Variants in JAKMIP2 observed in about 807,000 individuals in gnomAD.
JAKMIP2 encodes the protein janus kinase and microtubule interacting protein 2.
A neutral mutation model predicts 115.0 loss-of-function variants in JAKMIP2; 25 were observed. The ratio of observed to expected loss-of-function variants is 0.22; its 90% CI spans 0.16 to 0.30. The LOEUF (loss-of-function observed/expected upper bound fraction) is 0.30, where lower values mean the gene tolerates loss of function less well. Ranked by LOEUF, JAKMIP2 falls within the 10% of genes least tolerant of loss-of-function variation. The probability of loss-of-function intolerance (pLI) is 1.00; values close to 1 mark genes in which losing one functional copy is unlikely to be tolerated. For synonymous variants in JAKMIP2, 334 were observed against 343.6 expected, an observed-to-expected ratio of 0.97 and a Z score of 0.31; for missense variants, 642 against 957.6, an observed-to-expected ratio of 0.67 and a Z score of 4.35.
intron 1 of JAKMIP2, among the ~76,000 whole-genome samples, chr5:147,706,730 T>C (rs1391072524): frequency 1.3e-5 from 2 of 152,124 alleles, no homozygotes; most frequent in Non-Finnish European, 2.9e-5. Context: ...TTCAGAGCAT[T>C]TTGGATTTCG....
At chr5:147,610,434 A>G (rs1024895730) in intron 20 of JAKMIP2, among the ~76,000 whole-genome samples, 2 of 152,158 alleles carry the variant, frequency 1.3e-5, no homozygotes, top group Non-Finnish European at 2.9e-5. Context: ...TCTAACAGTC[A>G]GGCCCCTCTG....
At chr5:147,738,595 C>T (rs1247890883) in intron 1 of JAKMIP2, among the ~76,000 whole-genome samples, 2 of 152,032 alleles carry the variant, frequency 1.3e-5, no homozygotes, top group African/African-American at 4.8e-5. Flanking sequence ...GATAATAAGA[C>T]TGAAAATACC....
intron 12 of JAKMIP2, among the ~76,000 whole-genome samples, chr5:147,635,161 G>C (rs1005091521): frequency 6.6e-6 from 1 of 150,646 alleles, no homozygotes; most frequent in Non-Finnish European, 1.5e-5. Flanking sequence ...TGGGCAACAA[G>C]AGTAAAACTC....
Position 147,650,480 on chromosome 5 carries a change from C to T in JAKMIP2, c.695G>A (p.Gly232Asp), listed in dbSNP as rs1431117861. The T allele has an allele frequency of 6.2e-7, 1 of 1,613,856 alleles. No individual in the cohort carries two copies. The highest frequency in any genetic ancestry group is 1.1e-5 in the South Asian group (1 of 91,072). Residue 232 changes from glycine to aspartate, a missense_variant, in exon 4 of 22, where the codon GGC becomes GAC. By Grantham distance (94) the Gly-to-Asp change is moderately conservative. Transcript: ENST00000616793. ...SLEKELETQT[G>D]YVQKLQLQKE... ...CTGAAGTTGGAGTTTCTGTACATAG[C>T]CTGTCTGGGTCTCCAGTTCCTTTTC... is the stretch of plus-strand genomic sequence containing the variant.
At chr5:147,695,854 T>G (rs2126872110) in intron 1 of JAKMIP2, among the ~76,000 whole-genome samples, 1 of 152,234 alleles carries the variant, frequency 6.6e-6, no homozygotes. Context: ...TAATAGAAAC[T>G]TTTTTTCTGG....
intron 9 of JAKMIP2, 90 bp downstream of exon 9, chr5:147,640,614 G>T: frequency 7.4e-7 from 1 of 1,356,410 alleles, no homozygotes; most frequent in Non-Finnish European, 1.0e-6. Context: ...TTTATATAAA[G>T]GAGATGAAAA....
chr5:147,627,446 G>A (rs943687066), intron 16 of JAKMIP2, among the ~76,000 whole-genome samples: 6 of 152,042 alleles, frequency 3.9e-5, no homozygotes, highest in Admixed American at 2.0e-4. Context: ...GGAGACACTA[G>A]AGAAATAGGT....
At chr5:147,780,586 T>C (rs1755720034) in intron 1 of JAKMIP2, among the ~76,000 whole-genome samples, 2 of 152,312 alleles carry the variant, frequency 1.3e-5, no homozygotes, top group South Asian at 4.1e-4. Flanking sequence ...CCCTACTTCA[T>C]ATAGTTGTTA....
At chr5:147,764,241 A>G (rs1362199922) in intron 1 of JAKMIP2, among the ~76,000 whole-genome samples, 1 of 152,100 alleles carries the variant, frequency 6.6e-6, no homozygotes, top group Non-Finnish European at 1.5e-5. Context: ...AGATATTTCA[A>G]GGGCCTTTCA....
intron 1 of JAKMIP2, among the ~76,000 whole-genome samples, chr5:147,704,475 G>A (rs767719234): frequency 2.0e-5 from 3 of 152,100 alleles, no homozygotes; most frequent in Admixed American, 6.5e-5. Context: ...GTGGGACATG[G>A]CTGTATGTTC....
At chr5:147,728,319 G>T (rs915260278) in intron 1 of JAKMIP2, among the ~76,000 whole-genome samples, 1 of 152,242 alleles carries the variant, frequency 6.6e-6, no homozygotes, top group South Asian at 2.1e-4. Context: ...AAAATGAGTT[G>T]ATTGGTTTTG....
intron 1 of JAKMIP2, among the ~76,000 whole-genome samples, chr5:147,691,769 G>A (rs1474205694): frequency 2.0e-5 from 3 of 152,206 alleles, no homozygotes; most frequent in Non-Finnish European, 4.4e-5. Context: ...CTGGAGCAAA[G>A]GCGATGTGAT....
chr5:147,685,115 G>A (rs541961778), intron 1 of JAKMIP2, among the ~76,000 whole-genome samples: 29 of 152,254 alleles, frequency 1.9e-4, no homozygotes, highest in African/African-American at 4.8e-4. Flanking sequence ...AATCCCTTAC[G>A]CAAAGTCACA....
rs1299029625 is a variant in JAKMIP2 at position 147,588,438 on chromosome 5, A to G, written c.*3269T>C. 1.3e-5 allele frequency: 2 copies of G among 150,702 alleles called. No homozygotes were observed. The highest frequency in any genetic ancestry group is 2.1e-4 in the South Asian group (1 of 4,746). 9.3% of individuals were successfully genotyped at this position (150,702 alleles called of 1,614,324 possible). Reference sequence around the variant, plus strand: ...TTTTTTTTTTTTTTGCTATTGCTGAACATCCCATCCAAGGGAAGCATTCAT... The same window carrying G: ...TTTTTTTTTTTTTTGCTATTGCTGAGCATCCCATCCAAGGGAAGCATTCAT... On this transcript the variant is annotated 3_prime_UTR_variant, in exon 22 of 22. Coordinates refer to ENST00000616793, the MANE Select transcript of JAKMIP2 (RefSeq NM_001270941.2).
At chr5:147,614,827 T>C (rs1483108339) in intron 19 of JAKMIP2, among the ~76,000 whole-genome samples, 1 of 152,212 alleles carries the variant, frequency 6.6e-6, no homozygotes, top group Admixed American at 6.5e-5. Flanking sequence ...TAGCCTTTGC[T>C]CTGTTCCTTG....
At chr5:147,751,256 G>GA (rs746349574) in intron 1 of JAKMIP2, among the ~76,000 whole-genome samples, 1 of 131,600 alleles carries the variant, frequency 7.6e-6, no homozygotes. Flanking sequence ...TTTTGTTGTT[G>GA]TTTTTTTTTT....
intron 3 of JAKMIP2, 77 bp from the exon 4 acceptor site, chr5:147,650,624 A>C: frequency 8.8e-7 from 1 of 1,130,440 alleles, no homozygotes; most frequent in South Asian, 1.4e-5. Context: ...TGTAGGTTTA[A>C]CTTCTTTTAT....
intron 7 of JAKMIP2, 135 bp from the exon 8 acceptor site, chr5:147,641,899 C>G (rs1287600467): frequency 1.5e-6 from 1 of 681,976 alleles, no homozygotes; most frequent in Non-Finnish European, 2.5e-6. Context: ...TAAATTTTGG[C>G]AACTTTTGGG....
intron 1 of JAKMIP2, among the ~76,000 whole-genome samples, chr5:147,700,038 G>A (rs1192084141): frequency 6.6e-6 from 1 of 152,114 alleles, no homozygotes; most frequent in Non-Finnish European, 1.5e-5. Context: ...TGATCAAAGA[G>A]AAGCAAATTC....
Sources: gnomAD v4.1 joint callset for allele counts (sites outside exome capture counted in the v4.1 genomes callset) on GRCh38, gnomAD v4.1.1 for gene constraint, MANE v1.5 for transcripts, NCBI Gene and HGNC (gene_info 2026-07-23, HGNC 2026-07-21) for gene names.